Variants in POF1B observed in about 807,000 individuals in gnomAD.
POF1B encodes the protein POF1B actin binding protein.
A neutral mutation model predicts 55.3 loss-of-function variants in POF1B; 53 were observed. That is an observed-to-expected ratio of 0.96 (90% CI 0.77 to 1.20). POF1B has a LOEUF of 1.20. POF1B is among the 50% of genes most tolerant of loss of function. POF1B has a pLI of 0.00. For synonymous variants in POF1B, 188 were observed against 148.3 expected (o/e 1.27, Z -1.95); for missense variants, 478 against 420.5 (o/e 1.14, Z -1.20).
At chrX:85,321,582 G>T (rs1340138774) in intron 7 of POF1B, among the ~76,000 whole-genome samples, 12 of 109,150 alleles carry the variant, frequency 1.1e-4, no homozygotes, top group Non-Finnish European at 2.1e-4. Flanking sequence ...AGTGTGGGAA[G>T]TTCTGGCCAG....
At chrX:85,346,562 G>A (rs1026346995) in intron 5 of POF1B, among the ~76,000 whole-genome samples, 3 of 109,672 alleles carry the variant, frequency 2.7e-5, no homozygotes, top group Admixed American at 2.0e-4. Context: ...AAAAACCAGC[G>A]ACTGAAACTT....
Position 85,322,269 on chromosome X carries a change from G to C in POF1B, c.855-6535C>G, listed in dbSNP as rs756690490. 1.1e-4 allele frequency among the ~76,000 whole-genome samples: 12 copies of C among 110,822 alleles called. No individual in the cohort carries two copies. In the Admixed American group the frequency reaches 1.2e-3, roughly 11 times the overall value. On this transcript the variant is annotated intron_variant, in intron 7 of 16. Coordinates refer to ENST00000262753, the MANE Select transcript of POF1B (RefSeq NM_024921.4). Reference sequence around the variant, plus strand: ...AGATATAGATCAATGGAACAGAACAGAGCCCTCAGAAATAATGCCACATAT... The same window carrying C: ...AGATATAGATCAATGGAACAGAACACAGCCCTCAGAAATAATGCCACATAT...
chrX:85,296,779 C>T (rs1355962284), intron 15 of POF1B, among the ~76,000 whole-genome samples: 1 of 111,818 alleles, frequency 8.9e-6, no homozygotes, highest in Non-Finnish European at 1.9e-5. Flanking sequence ...ATTTGCATGT[C>T]AACCTCTCTA....
chrX:85,307,166 C>T lies in POF1B; in HGVS notation c.1161G>A (p.Gln387=). Residue 387 remains glutamine, a synonymous_variant, in exon 11 of 17, where the codon CAG becomes CAA. Transcript: ENST00000262753. ...LASVRANNHQ[Q]QQGLQDSSSK... ...ACCAATAAAAGCATCAGTTTACCTG[C>T]TGCTGGTGATTATTTGCTCTCACTG... 5 of 1,189,335 alleles carry T rather than the reference C, an allele frequency of 4.2e-6. No homozygotes were observed. Among genetic ancestry groups the T allele is most frequent in the Non-Finnish European group, 5.7e-6 (5 of 877,803 alleles).
intron 7 of POF1B, among the ~76,000 whole-genome samples, chrX:85,317,673 G>T (rs1344265762): frequency 9.1e-6 from 1 of 110,128 alleles, no homozygotes; most frequent in South Asian, 3.9e-4. Flanking sequence ...ATTTTTCAAA[G>T]ATCTAAAGAC....
chrX:85,356,389 T>C (rs2147942012), intron 4 of POF1B, among the ~76,000 whole-genome samples: 1 of 109,297 alleles, frequency 9.1e-6, no homozygotes, highest in Admixed American at 9.8e-5. Context: ...CACACCAACA[T>C]GGCACATGTA....
At chrX:85,329,138 T>C (rs1932936887) in intron 7 of POF1B, among the ~76,000 whole-genome samples, 1 of 111,997 alleles carries the variant, frequency 8.9e-6, no homozygotes, top group Non-Finnish European at 1.9e-5. Flanking sequence ...TAACTTATTT[T>C]CTTTGGGTCT....
Position 85,327,076 on chromosome X carries a change from T to C in POF1B, c.854+3873A>G, listed in dbSNP as rs749674819. Among the ~76,000 whole-genome samples the C allele has an allele frequency of 3.6e-5, 4 of 110,707 alleles. No homozygotes were observed. In the South Asian group the frequency reaches 1.5e-3, roughly 43 times the overall value. On this transcript the variant is annotated intron_variant, in intron 7 of 16. Coordinates refer to ENST00000262753, the MANE Select transcript of POF1B (RefSeq NM_024921.4). ...ACCACAGAGGCTCCCACACCAACCC[T>C]CTGGGCTCCGCACTGACTGGAGTTC...
At chrX:85,348,773 A>T (rs760998334) in intron 5 of POF1B, among the ~76,000 whole-genome samples, 1 of 111,674 alleles carries the variant, frequency 9.0e-6, no homozygotes, top group Non-Finnish European at 1.9e-5. Flanking sequence ...CTCTTAAAGG[A>T]GCTAGTCTTT....
chrX:85,290,334 A>G (rs1021769334), intron 15 of POF1B, among the ~76,000 whole-genome samples: 3 of 110,801 alleles, frequency 2.7e-5, no homozygotes, highest in Admixed American at 9.6e-5. Flanking sequence ...TATGTACCAC[A>G]TTTTCTTTTT....
intron 2 of POF1B, 71 bp from the exon 3 acceptor site, chrX:85,367,837 A>G: frequency 1.5e-6 from 1 of 665,972 alleles, no homozygotes. Context: ...TTTTTTCTTT[A>G]TTTTTATAAT....
chrX:85,368,942 G>T (rs973059096), intron 2 of POF1B, among the ~76,000 whole-genome samples: 1 of 111,615 alleles, frequency 9.0e-6, no homozygotes, highest in Non-Finnish European at 1.9e-5. Flanking sequence ...TTAAAAATCA[G>T]AATCATTAAT....
At chrX:85,375,173 A>G in intron 2 of POF1B, among the ~76,000 whole-genome samples, 1 of 111,383 alleles carries the variant, frequency 9.0e-6, no homozygotes, top group East Asian at 2.8e-4. Context: ...TTTATTGAAA[A>G]TCAAAAAATG....
intron 7 of POF1B, among the ~76,000 whole-genome samples, chrX:85,326,476 AGTGCAAGT>A (rs1355442564): frequency 4.5e-5 from 5 of 109,910 alleles, no homozygotes; most frequent in African/African-American, 1.7e-4. Flanking sequence ...CAGCAGTGTC[AGTGCAAGT>A]GCGGGGCGCT....
rs150398399 is a variant in POF1B, at chrX:85,307,059, T to C, written c.1164+104A>G. ...CTCATATGAACAAATTTTTCCATCA[T>C]ATTTAATTCTGTCTTGATTATATCT... On this transcript the variant is annotated intron_variant, in intron 11 of 16. Coordinates refer to ENST00000262753, the MANE Select transcript of POF1B (RefSeq NM_024921.4). The C allele has an allele frequency of 1.2e-3, 755 of 640,970 alleles. 6 individuals carry two copies. In the African/African-American group the frequency reaches 0.015, roughly 13 times the overall value. 52.8% of individuals were successfully genotyped at this position (640,970 alleles called of 1,213,427 possible).
chrX:85,341,386 AT>A (rs778866538), intron 6 of POF1B, among the ~76,000 whole-genome samples: 1 of 111,220 alleles, frequency 9.0e-6, no homozygotes, highest in Non-Finnish European at 1.9e-5. Context: ...TTTAAACTAT[AT>A]ACATATATTA....
Position 85,351,426 on chromosome X carries a change from C to T in POF1B, c.464G>A (p.Gly155Glu). 2 of 1,191,101 alleles carry T rather than the reference C, an allele frequency of 1.7e-6. No homozygotes were observed. The highest frequency in any genetic ancestry group is 2.3e-6 in the Non-Finnish European group (2 of 882,876). ...EQEPLSQFLR[G>E]SHFFPGNNVI... is the part of the protein sequence containing the mutation. ...ATTGTTTCCTGGGAAGAAATGGCTT[C>T]CTCTTAGGAATTGAGACAGTGGTTC... The change falls in exon 5 of 17, where the codon GGA becomes GAA. Residue 155 changes from glycine (G) to glutamate (E), a missense_variant. Transcript: ENST00000262753.
chrX:85,312,274 C>T (rs1932719643), intron 9 of POF1B, among the ~76,000 whole-genome samples: 1 of 111,610 alleles, frequency 9.0e-6, no homozygotes, highest in Non-Finnish European at 1.9e-5. Flanking sequence ...AATGGTATTG[C>T]CTAGGTTTTC....
intron 3 of POF1B, among the ~76,000 whole-genome samples, chrX:85,361,898 G>A (rs1161362004): frequency 6.4e-5 from 7 of 109,357 alleles, no homozygotes; most frequent in Non-Finnish European, 1.1e-4. Flanking sequence ...GCAGTGTTTT[G>A]TAATTCTCAT....
Sources: allele counts gnomAD v4.1 joint callset (sites outside exome capture counted in the v4.1 genomes callset), GRCh38; gene constraint gnomAD v4.1.1; transcripts MANE v1.5; gene names NCBI Gene and HGNC (gene_info 2026-07-23, HGNC 2026-07-21).